The following STAG1 variants were observed in gnomAD, a reference collection of about 807,000 sequenced individuals.
STAG1 encodes the protein cohesin subunit SA-1.
A neutral mutation model predicts 170.9 loss-of-function variants in STAG1; 26 were observed. The ratio of observed to expected loss-of-function variants is 0.15; its 90% confidence interval spans 0.11 to 0.21. The LOEUF is 0.21. STAG1 is among the 10% of genes least tolerant of loss of function. STAG1 has a pLI of 1.00. For synonymous variants in STAG1, 514 were observed against 497.7 expected (o/e 1.03, Z -0.44); for missense variants, 964 against 1,509.5 (o/e 0.64, Z 5.99).
chr3:136,594,297 A>G (rs1042677133), intron 4 of STAG1, among the ~76,000 whole-genome samples: 1 of 152,200 alleles, frequency 6.6e-6, no homozygotes. Context: ...TAACTCATCT[A>G]TAATTCGGAG....
intron 7 of STAG1, among the ~76,000 whole-genome samples, chr3:136,512,117 AAAAGG>A (rs1189544655): frequency 3.3e-5 from 5 of 150,844 alleles, no homozygotes; most frequent in Non-Finnish European, 7.4e-5. Flanking sequence ...AAAAAAAAAA[AAAAGG>A]AAAGGAAAGG....
chr3:136,427,871 G>T (rs1400155658), intron 16 of STAG1, among the ~76,000 whole-genome samples: 6 of 152,196 alleles, frequency 3.9e-5, no homozygotes, highest in African/African-American at 1.4e-4. Context: ...GAATGTGAAG[G>T]TTACAAAGCT....
chr3:136,618,708 T>A (rs1228516224), intron 3 of STAG1, among the ~76,000 whole-genome samples: 1 of 152,210 alleles, frequency 6.6e-6, no homozygotes, highest in African/African-American at 2.4e-5. Flanking sequence ...GAATAGTTTT[T>A]CTTTTCTTTA....
intron 22 of STAG1, among the ~76,000 whole-genome samples, chr3:136,382,278 T>A (rs1443995051): frequency 6.6e-6 from 1 of 152,120 alleles, no homozygotes; most frequent in Non-Finnish European, 1.5e-5. Context: ...TGTAAAATGA[T>A]TACTTCCCAA....
rs116692972 is a variant in STAG1 at position 136,628,687 on chromosome 3, A to G, written c.29+2183T>C. Among the ~76,000 whole-genome samples the G allele has an allele frequency of 6.6e-3, 1,000 of 152,320 alleles. 11 individuals are homozygous for G. Among genetic ancestry groups the G allele is most frequent in the African/African-American group, 0.023 (941 of 41,566 alleles). On this transcript the variant is annotated intron_variant, in intron 2 of 33. Transcript: ENST00000383202. ...CTACTTTTCCTTCACAGCACCAATG[A>G]TAGTTTAGAACTATGTATTTGTGAT...
intron 1 of STAG1, among the ~76,000 whole-genome samples, chr3:136,685,132 T>G (rs775146046): frequency 6.6e-6 from 1 of 152,128 alleles, no homozygotes; most frequent in African/African-American, 2.4e-5. Context: ...CTGGCCAACA[T>G]GGTGAAACCC....
intron 13 of STAG1, among the ~76,000 whole-genome samples, chr3:136,456,165 T>G (rs980572544): frequency 4.6e-5 from 7 of 152,036 alleles, no homozygotes; most frequent in African/African-American, 1.7e-4. Flanking sequence ...CAGCAACAGA[T>G]CCAGAAAAAC....
intron 1 of STAG1, among the ~76,000 whole-genome samples, chr3:136,635,927 A>G (rs1940532473): frequency 6.6e-6 from 1 of 152,222 alleles, no homozygotes; most frequent in South Asian, 2.1e-4. Context: ...TAGAATCTAT[A>G]TAAGAAAAAC....
intron 6 of STAG1, among the ~76,000 whole-genome samples, chr3:136,524,406 T>C (rs561187674): frequency 6.6e-6 from 1 of 152,314 alleles, no homozygotes; most frequent in African/African-American, 2.4e-5. Context: ...TGTCTGTTAC[T>C]GGTGTATAAG....
At chr3:136,427,835 C>T (rs893611382) in intron 16 of STAG1, among the ~76,000 whole-genome samples, 2 of 151,986 alleles carry the variant, frequency 1.3e-5, no homozygotes, top group African/African-American at 4.8e-5. Context: ...AAAGTGAAGT[C>T]ATATAATAAC....
Position 136,337,879 on chromosome 3 carries a change from A to C in STAG1, c.*375T>G, listed in dbSNP as rs1442346865. ...ATTGTACAACAGGAAAATAAAGTTA[A>C]AAATATGTTTTTTTTTACTCAATGT... On this transcript the variant is annotated 3_prime_UTR_variant, in exon 34 of 34. Coordinates refer to ENST00000383202, the MANE Select transcript of STAG1 (RefSeq NM_005862.3). 2 of 173,012 alleles carry C rather than the reference A, an allele frequency of 1.2e-5. No individual in the cohort carries two copies. Among genetic ancestry groups the C allele is most frequent in the Non-Finnish European group, 2.4e-5 (2 of 82,040 alleles). 10.7% of individuals were successfully genotyped at this position (173,012 alleles called of 1,614,324 possible).
At chr3:136,462,147 A>G (rs1262741618) in intron 13 of STAG1, among the ~76,000 whole-genome samples, 2 of 152,148 alleles carry the variant, frequency 1.3e-5, no homozygotes, top group African/African-American at 4.8e-5. Context: ...AAGTTACTCA[A>G]AAAACTAAAA....
chr3:136,400,273 G>A (rs1287045124), intron 21 of STAG1, among the ~76,000 whole-genome samples: 1 of 152,154 alleles, frequency 6.6e-6, no homozygotes, highest in East Asian at 1.9e-4. Context: ...TGTTGCCCAG[G>A]CTGCAGTGCA....
At chr3:136,717,442 T>C (rs1331298762) in intron 1 of STAG1, among the ~76,000 whole-genome samples, 3 of 152,162 alleles carry the variant, frequency 2.0e-5, no homozygotes, top group Admixed American at 2.0e-4. Context: ...GGCAGGTGGA[T>C]CACTTGAGAC....
intron 13 of STAG1, among the ~76,000 whole-genome samples, chr3:136,453,160 T>C (rs1348585917): frequency 6.6e-6 from 1 of 152,158 alleles, no homozygotes; most frequent in Non-Finnish European, 1.5e-5. Flanking sequence ...ACATTATCTA[T>C]GAACCCAATA....
chr3:136,420,244 CA>C (rs71157379), intron 20 of STAG1, among the ~76,000 whole-genome samples: 433 of 36,920 alleles, frequency 0.012, no homozygotes, highest in South Asian at 0.016. Context: ...GAGACTCTGT[CA>C]AAAAAAAAAA....
At chr3:136,679,038 G>T (rs866054758) in intron 1 of STAG1, among the ~76,000 whole-genome samples, 1 of 148,510 alleles carries the variant, frequency 6.7e-6, no homozygotes, top group Non-Finnish European at 1.5e-5. Flanking sequence ...TAAAAAAGAT[G>T]TTCAAACTTA....
intron 14 of STAG1, among the ~76,000 whole-genome samples, chr3:136,451,295 T>C (rs1173336341): frequency 2.0e-5 from 3 of 152,186 alleles, no homozygotes; most frequent in East Asian, 1.9e-4. Context: ...CATGGAAATA[T>C]TGCTATGAGG....
At chr3:136,742,491 A>C (rs1351170627) in intron 1 of STAG1, among the ~76,000 whole-genome samples, 1 of 152,126 alleles carries the variant, frequency 6.6e-6, no homozygotes, top group East Asian at 1.9e-4. Flanking sequence ...AGGCAGGCGG[A>C]TCCTTGAAGT....
Sources: gnomAD v4.1 joint callset for allele counts (sites outside exome capture counted in the v4.1 genomes callset) on GRCh38, gnomAD v4.1.1 for gene constraint, MANE v1.5 for transcripts, NCBI Gene and HGNC (gene_info 2026-07-23, HGNC 2026-07-21) for gene names.